The following CCDC148 variants were observed in gnomAD, a reference collection of about 807,000 sequenced individuals.
CCDC148 encodes coiled-coil domain containing 148.
CCDC148 carries 89 observed loss-of-function variants against 85.7 expected under a neutral mutation model. The observed-to-expected ratio is 1.04, with a 90% confidence interval of 0.87 to 1.24. The LOEUF (loss-of-function observed/expected upper bound fraction) is 1.24, where lower values mean the gene tolerates loss of function less well. CCDC148 is among the 50% of genes most tolerant of loss of function. CCDC148 has a pLI of 0.00. For synonymous variants in CCDC148, 230 were observed against 213.9 expected, an observed-to-expected ratio of 1.08 and a Z score of -0.66; for missense variants, 692 against 671.7, an observed-to-expected ratio of 1.03 and a Z score of -0.33.
At chr2:158,346,314 A>C (rs1183168405) in intron 2 of CCDC148, among the ~76,000 whole-genome samples, 1 of 152,202 alleles carries the variant, frequency 6.6e-6, no homozygotes, top group East Asian at 1.9e-4. Context: ...CTACTCTCAC[A>C]GTCTCTAGGA....
At chr2:158,282,971 G>A (rs1372162246) in intron 9 of CCDC148, among the ~76,000 whole-genome samples, 2 of 152,064 alleles carry the variant, frequency 1.3e-5, no homozygotes, top group Non-Finnish European at 2.9e-5. Context: ...CGGAAATAAC[G>A]CTGCATATCT....
chr2:158,444,785 G>GAAAAAAAA (rs11433320), intron 1 of CCDC148, among the ~76,000 whole-genome samples: 2 of 66,664 alleles, frequency 3.0e-5, no homozygotes, highest in Non-Finnish European at 4.9e-5. Flanking sequence ...ACCCTGTCTT[G>GAAAAAAAA]AAAAAAAAAA....
At position 158,453,664 on chromosome 2, in the gene CCDC148, T is replaced by C. The variant is rs574745926; in HGVS notation, c.25+2751A>G. Among the ~76,000 whole-genome samples, 6 of 152,342 alleles carry C rather than the reference T, an allele frequency of 3.9e-5. No homozygotes were observed. The South Asian group carries it at 1.2e-3, about 32-fold the overall frequency. ...GCTTCCTCCTATTCCTTGCTGCCTC[T>C]GCTATGCTTCTTAGGGAATTTACCA... is the stretch of plus-strand genomic sequence containing the variant. On this transcript the variant is annotated intron_variant, in intron 1 of 13. Coordinates refer to ENST00000283233, the MANE Select transcript of CCDC148 (RefSeq NM_138803.4).
intron 2 of CCDC148, among the ~76,000 whole-genome samples, chr2:158,352,457 G>A (rs1301816256): frequency 1.1e-4 from 17 of 152,262 alleles, no homozygotes; most frequent in Non-Finnish European, 2.1e-4. Flanking sequence ...AATGCGATCA[G>A]CTGGAAGAAA....
chr2:158,433,277 T>TATATATATATATAA (rs1486048925), intron 1 of CCDC148, among the ~76,000 whole-genome samples: 1 of 120,064 alleles, frequency 8.3e-6, no homozygotes, highest in Non-Finnish European at 1.9e-5. Context: ...TATATATATA[T>TATATATATATATAA]AAAACAAAAG....
chr2:158,432,799 C>T (rs898247498), intron 1 of CCDC148, among the ~76,000 whole-genome samples: 4 of 151,808 alleles, frequency 2.6e-5, no homozygotes, highest in Non-Finnish European at 5.9e-5. Flanking sequence ...AGAGACCAGG[C>T]GTAATGGCTC....
chr2:158,427,512 T>G (rs1389163266), intron 1 of CCDC148, among the ~76,000 whole-genome samples: 6 of 151,070 alleles, frequency 4.0e-5, no homozygotes, highest in Non-Finnish European at 7.4e-5. Context: ...TGGAGCAGAG[T>G]GTGATTTAAA....
chr2:158,217,016 C>G (rs1194869226), intron 11 of CCDC148, among the ~76,000 whole-genome samples: 2 of 151,912 alleles, frequency 1.3e-5, no homozygotes, highest in Non-Finnish European at 2.9e-5. Flanking sequence ...AGGATAGAGC[C>G]AGGATTCTAA....
At position 158,226,388 on chromosome 2, in the gene CCDC148, C is replaced by T. The variant is rs199716371; in HGVS notation, c.1252-5675G>A. On this transcript the variant is annotated intron_variant, in intron 10 of 13. Transcript: ENST00000283233. ...TTCTATCAGAGGTATAAGGAGGAGCCGGTACCATTCTTTCTGAAACTATTC... is the reference window on the plus strand; with the variant it reads ...TTCTATCAGAGGTATAAGGAGGAGCTGGTACCATTCTTTCTGAAACTATTC... Among the ~76,000 whole-genome samples, 37 of 152,010 alleles carry T rather than the reference C, an allele frequency of 2.4e-4. No homozygotes were observed. In the East Asian group the frequency reaches 2.9e-3, roughly 12 times the overall value.
intron 1 of CCDC148, among the ~76,000 whole-genome samples, chr2:158,428,119 A>G (rs1451007140): frequency 1.3e-5 from 2 of 152,142 alleles, no homozygotes; most frequent in Non-Finnish European, 2.9e-5. Flanking sequence ...ATTCTGGGGT[A>G]TTGAGAGCAG....
At chr2:158,281,990 T>C (rs968898503) in intron 9 of CCDC148, among the ~76,000 whole-genome samples, 11 of 151,892 alleles carry the variant, frequency 7.2e-5, no homozygotes, top group African/African-American at 2.7e-4. Flanking sequence ...AATCAATAAA[T>C]GTAATCCAGC....
At chr2:158,434,997 C>A (rs1687568742) in intron 1 of CCDC148, among the ~76,000 whole-genome samples, 1 of 152,182 alleles carries the variant, frequency 6.6e-6, no homozygotes, top group African/African-American at 2.4e-5. Flanking sequence ...AAATCTATGT[C>A]TGATTGGTGT....
At chr2:158,276,339 C>G (rs1297509326) in intron 9 of CCDC148, among the ~76,000 whole-genome samples, 5 of 152,144 alleles carry the variant, frequency 3.3e-5, no homozygotes, top group African/African-American at 9.7e-5. Flanking sequence ...GAGGCTGAGG[C>G]ACAAGGATCT....
intron 11 of CCDC148, among the ~76,000 whole-genome samples, chr2:158,186,413 C>T (rs1685157883): frequency 6.6e-6 from 1 of 152,050 alleles, no homozygotes; most frequent in Non-Finnish European, 1.5e-5. Flanking sequence ...CTGTATGCTG[C>T]ACAAGTCTAG....
chr2:158,256,435 G>A (rs745702209), intron 9 of CCDC148, among the ~76,000 whole-genome samples: 28 of 151,638 alleles, frequency 1.8e-4, no homozygotes, highest in African/African-American at 5.8e-4. Context: ...TCTTCTCCAC[G>A]CAAAGCTGAC....
intron 2 of CCDC148, among the ~76,000 whole-genome samples, chr2:158,354,555 A>G (rs1683516455): frequency 6.6e-6 from 1 of 152,354 alleles, no homozygotes; most frequent in Admixed American, 6.5e-5. Context: ...GAATAGACCA[A>G]GAACAGGATC....
intron 7 of CCDC148, among the ~76,000 whole-genome samples, chr2:158,329,032 G>T (rs1331653809): frequency 4.6e-5 from 7 of 152,172 alleles, no homozygotes; most frequent in Non-Finnish European, 8.8e-5. Context: ...GATCCCATTT[G>T]TCAGTTTTGG....
chr2:158,396,080 T>C (rs1472697791), intron 1 of CCDC148, among the ~76,000 whole-genome samples: 2 of 152,086 alleles, frequency 1.3e-5, no homozygotes, highest in Admixed American at 6.6e-5. Flanking sequence ...CTCATTGACA[T>C]GGTTTGAATG....
intron 9 of CCDC148, among the ~76,000 whole-genome samples, chr2:158,266,963 T>C (rs1533782): frequency 0.044 from 6,623 of 151,152 alleles, 227 homozygotes; most frequent in East Asian, 0.14. Flanking sequence ...TATATATATA[T>C]ATACACATAT....
Sources: gnomAD v4.1 joint callset for allele counts (sites outside exome capture counted in the v4.1 genomes callset) on GRCh38, gnomAD v4.1.1 for gene constraint, MANE v1.5 for transcripts, NCBI Gene and HGNC (gene_info 2026-07-23, HGNC 2026-07-21) for gene names.